GRAMD1C: variants seen among roughly 807,000 people sequenced by gnomAD.
The protein encoded by GRAMD1C is protein Aster-C.
GRAMD1C carries 89 observed loss-of-function variants against 97.8 expected under a neutral mutation model. That is an observed-to-expected ratio of 0.91 (90% CI 0.77 to 1.09). The LOEUF (loss-of-function observed/expected upper bound fraction) is 1.09. GRAMD1C is among the 50% of genes least tolerant of loss of function. The probability of loss-of-function intolerance (pLI) is 0.00; values close to 1 mark genes in which losing one functional copy is unlikely to be tolerated. For synonymous variants in GRAMD1C, 256 were observed against 267.0 expected, an observed-to-expected ratio of 0.96 and a Z score of 0.40; for missense variants, 740 against 766.4, an observed-to-expected ratio of 0.97 and a Z score of 0.41.
intron 2 of GRAMD1C, among the ~76,000 whole-genome samples, chr3:113,851,994 G>C (rs966323358): frequency 6.6e-6 from 1 of 152,022 alleles, no homozygotes; most frequent in African/African-American, 2.4e-5. Flanking sequence ...TCAGCCTCCC[G>C]GGTAGCTGGG....
chr3:113,844,105 G>A (rs1380110722), intron 1 of GRAMD1C, among the ~76,000 whole-genome samples: 2 of 152,122 alleles, frequency 1.3e-5, no homozygotes, highest in East Asian at 3.9e-4. Flanking sequence ...GCAAATAATA[G>A]TAGTTGGAAA....
At chr3:113,835,637 AG>A (rs761659514), upstream of GRAMD1C, among the ~76,000 whole-genome samples, 1 of 152,222 alleles carries the variant, frequency 6.6e-6, no homozygotes. Context: ...CATCTTATCT[AG>A]AAGGTAGGTG....
intron 2 of GRAMD1C, among the ~76,000 whole-genome samples, chr3:113,845,486 G>T (rs191791024): frequency 4.6e-5 from 7 of 152,220 alleles, no homozygotes; most frequent in Non-Finnish European, 1.0e-4. Flanking sequence ...GAGCCCAGGA[G>T]TTTGAGACCA....
At chr3:113,863,674 C>T (rs116065967) in intron 2 of GRAMD1C, among the ~76,000 whole-genome samples, 5,172 of 152,274 alleles carry the variant, frequency 0.034, 118 homozygotes, top group Middle Eastern at 0.085. Flanking sequence ...GTATGGAACT[C>T]GGGCCTCAGG....
chr3:113,895,827 G>C (rs919625147), intron 6 of GRAMD1C, among the ~76,000 whole-genome samples: 4 of 152,098 alleles, frequency 2.6e-5, no homozygotes, highest in Admixed American at 2.0e-4. Flanking sequence ...TTGCCAGCCA[G>C]CCGTGTCTAG....
chr3:113,883,732 G>T (rs1371325323), intron 6 of GRAMD1C, among the ~76,000 whole-genome samples: 2 of 152,066 alleles, frequency 1.3e-5, no homozygotes, highest in Non-Finnish European at 1.5e-5. Context: ...AGACAAGGAA[G>T]AATAAAGGCT....
At chr3:113,848,665 G>T (rs972862147) in intron 2 of GRAMD1C, among the ~76,000 whole-genome samples, 2 of 152,066 alleles carry the variant, frequency 1.3e-5, no homozygotes, top group East Asian at 3.9e-4. Flanking sequence ...AAATTAGCTG[G>T]CTGTGGTGGC....
At chr3:113,858,729 T>G (rs1368461728) in intron 2 of GRAMD1C, among the ~76,000 whole-genome samples, 1 of 152,138 alleles carries the variant, frequency 6.6e-6, no homozygotes, top group Admixed American at 6.5e-5. Context: ...AGCTGGGATT[T>G]TGTATTTTTA....
At chr3:113,918,360 G>A (rs1448401006) in intron 10 of GRAMD1C, among the ~76,000 whole-genome samples, 1 of 152,192 alleles carries the variant, frequency 6.6e-6, no homozygotes, top group Non-Finnish European at 1.5e-5. Flanking sequence ...GAGGATACCT[G>A]TTAATGTTAC....
intron 6 of GRAMD1C, chr3:113,885,225 G>T: frequency 1.1e-6 from 1 of 876,900 alleles, no homozygotes; most frequent in Non-Finnish European, 1.8e-6. Context: ...CCCTTCGGCG[G>T]GGGTTGCCCC....
chr3:113,844,354 T>C, intron 1 of GRAMD1C, 149 bp from the exon 2 acceptor site: 1 of 490,026 alleles, frequency 2.0e-6, no homozygotes, highest in Admixed American at 4.1e-5. Context: ...AGATGAACTA[T>C]TGAAGCAAAA....
Position 113,876,269 on chromosome 3 carries a change from T to C in GRAMD1C, c.459+9T>C, listed in dbSNP as rs774862198. Reference sequence around the variant, plus strand: ...TTACAGAAAGTGAAAAGGTGAAAACTTTCCTATCTTTGTTATATTACATAA... The same window carrying C: ...TTACAGAAAGTGAAAAGGTGAAAACCTTCCTATCTTTGTTATATTACATAA... On this transcript the variant is annotated intron_variant, in intron 5 of 17. Transcript: ENST00000358160. 5 of 1,413,832 alleles carry C rather than the reference T, an allele frequency of 3.5e-6. No homozygotes were observed. Among genetic ancestry groups the C allele is most frequent in the Non-Finnish European group, 3.0e-6 (3 of 1,001,600 alleles). 87.6% of individuals were successfully genotyped at this position (1,413,832 alleles called of 1,614,324 possible).
chr3:113,886,864 C>T (rs1935507994), intron 6 of GRAMD1C, among the ~76,000 whole-genome samples: 1 of 146,420 alleles, frequency 6.8e-6, no homozygotes. Flanking sequence ...TCACTGCAAC[C>T]TCCAACTCCC....
intron 15 of GRAMD1C, chr3:113,939,347 C>T (rs1220601312): frequency 6.6e-6 from 1 of 151,482 alleles, no homozygotes; most frequent in Non-Finnish European, 1.5e-5. Context: ...GGACTTGATA[C>T]TTCCTTTGTG....
intron 1 of GRAMD1C, among the ~76,000 whole-genome samples, chr3:113,828,706 C>T (rs532186291): frequency 6.6e-6 from 1 of 152,210 alleles, no homozygotes; most frequent in South Asian, 2.1e-4. Flanking sequence ...GCTCATGTCG[C>T]TTTCTTCTAC....
rs200581881 is a variant in GRAMD1C at position 113,849,267 on chromosome 3, TTTTATTTATTTA to T, written c.174+4650_174+4661del. Among the ~76,000 whole-genome samples, 236 of 141,556 alleles carry T rather than the reference TTTTATTTATTTA, an allele frequency of 1.7e-3. 1 individual carries two copies. The highest frequency in any genetic ancestry group is 4.8e-3 in the African/African-American group (188 of 38,918). The allele number at this position is 141,556 out of a possible 152,430, so 92.9% of individuals were successfully genotyped here. A position where few individuals can be genotyped will look rare whatever the true frequency, so the allele number is the denominator to read the frequency against. Reference sequence around the variant, plus strand: ...AGTGCTTTGGATAAGCTAGTTAATATTTTATTTATTTATTTATTTATTTATTTATTTATTTAT... The same window carrying T: ...AGTGCTTTGGATAAGCTAGTTAATATTTTATTTATTTATTTATTTATTTAT... On this transcript the variant is annotated intron_variant, in intron 2 of 17. Coordinates refer to ENST00000358160, the MANE Select transcript of GRAMD1C (RefSeq NM_017577.5).
chr3:113,843,049 GTTTTTTTTTTT>G (rs71144092), intron 1 of GRAMD1C, among the ~76,000 whole-genome samples: 1 of 53,402 alleles, frequency 1.9e-5, no homozygotes, highest in Non-Finnish European at 3.5e-5. Flanking sequence ...ACCATAAGCT[GTTTTTTTTTTT>G]TTTTTTTTTT....
chr3:113,928,665 T>C (rs1385927312), intron 10 of GRAMD1C, among the ~76,000 whole-genome samples: 1 of 152,224 alleles, frequency 6.6e-6, no homozygotes, highest in Admixed American at 6.5e-5. Flanking sequence ...ACCATTCTAT[T>C]TTCTGTCTAT....
At chr3:113,850,636 G>T (rs1227641038) in intron 2 of GRAMD1C, 1 of 1,607,512 alleles carries the variant, frequency 6.2e-7, no homozygotes, top group Non-Finnish European at 8.5e-7. Flanking sequence ...GCCAGCTCGG[G>T]TGCTTAGGCA....
Sources: allele counts gnomAD v4.1 joint callset (sites outside exome capture counted in the v4.1 genomes callset), GRCh38; gene constraint gnomAD v4.1.1; transcripts MANE v1.5; gene names NCBI Gene and HGNC (gene_info 2026-07-23, HGNC 2026-07-21).